The following SOBP variants were observed in gnomAD, a reference collection of about 807,000 sequenced individuals.
SOBP encodes sine oculis-binding protein homolog.
Under a neutral mutation model 53.6 loss-of-function variants are expected in SOBP, and 4 were observed. That is an observed-to-expected ratio of 0.07 (90% confidence interval 0.04 to 0.17). The LOEUF is 0.17. Among genes scored for constraint, SOBP ranks in the 10% least tolerant of loss-of-function variants. The pLI, the probability that SOBP is intolerant of heterozygous loss-of-function variation, is 1.00. For missense variants in SOBP, 1,088 were observed against 1,204.7 expected, an observed-to-expected ratio of 0.90 and a Z score of 1.43; for synonymous variants, 584 against 522.6, an observed-to-expected ratio of 1.12 and a Z score of -1.60.
intron 3 of SOBP, among the ~76,000 whole-genome samples, chr6:107,525,893 G>A (rs1783645877): frequency 6.6e-6 from 1 of 152,074 alleles, no homozygotes; most frequent in Admixed American, 6.5e-5. Context: ...ATTCTGATCC[G>A]TCCTGTTACT....
chr6:107,628,459 G>GC (rs1770560479), intron 5 of SOBP, among the ~76,000 whole-genome samples: 1 of 152,108 alleles, frequency 6.6e-6, no homozygotes, highest in Non-Finnish European at 1.5e-5. Context: ...AGACACACAG[G>GC]CTCATAGGAA....
chr6:107,549,155 T>C (rs1050569827), intron 4 of SOBP, among the ~76,000 whole-genome samples: 1 of 151,908 alleles, frequency 6.6e-6, no homozygotes, highest in Non-Finnish European at 1.5e-5. Context: ...TAGTCCCAGC[T>C]ACTCGGGAAG....
At chr6:107,636,305 T>C (rs1460009765) in intron 6 of SOBP, 1 of 152,360 alleles carries the variant, frequency 6.6e-6, no homozygotes, top group Non-Finnish European at 1.5e-5. Flanking sequence ...ATAGACAGAC[T>C]CCTGCCTAAT....
chr6:107,571,137 A>T (rs929203560), intron 4 of SOBP, among the ~76,000 whole-genome samples: 1 of 152,180 alleles, frequency 6.6e-6, no homozygotes, highest in Admixed American at 6.5e-5. Flanking sequence ...CTGGTAGAAG[A>T]TGATGTATGT....
At chr6:107,625,945 T>C (rs1385022150) in intron 5 of SOBP, among the ~76,000 whole-genome samples, 2 of 152,220 alleles carry the variant, frequency 1.3e-5, no homozygotes, top group African/African-American at 4.8e-5. Context: ...GTTTCCCTTA[T>C]ATACAAGTAC....
chr6:107,546,092 A>G (rs527983744), intron 4 of SOBP, among the ~76,000 whole-genome samples: 4 of 152,354 alleles, frequency 2.6e-5, no homozygotes, highest in South Asian at 2.1e-4. Context: ...TGGAAGACGT[A>G]TTAAAGACCA....
intron 3 of SOBP, among the ~76,000 whole-genome samples, chr6:107,515,751 A>G (rs1292699007): frequency 6.6e-6 from 1 of 152,236 alleles, no homozygotes; most frequent in East Asian, 1.9e-4. Flanking sequence ...TGTCTCAAAA[A>G]ACAAAAAAAG....
rs1368882190 is a variant in SOBP at position 107,543,814 on chromosome 6, C to T, written c.573+10204C>T. Among the ~76,000 whole-genome samples, 5 of 152,230 alleles carry T rather than the reference C, an allele frequency of 3.3e-5. No homozygotes were observed. The East Asian group carries it at 9.6e-4, about 29-fold the overall frequency. On this transcript the variant is annotated intron_variant, in intron 4 of 6. Transcript: ENST00000317357. ...GTCATCATAGGGTCCTTAGATGAAC[C>T]ACCTCTTCTACCCAGCACCAGCTGT...
At chr6:107,591,330 T>C (rs865917818) in intron 5 of SOBP, among the ~76,000 whole-genome samples, 14 of 152,258 alleles carry the variant, frequency 9.2e-5, no homozygotes, top group African/African-American at 3.4e-4. Flanking sequence ...GCTGCTGTTA[T>C]TATCATCTTC....
chr6:107,567,055 G>T (rs1003991336), intron 4 of SOBP, among the ~76,000 whole-genome samples: 1 of 152,184 alleles, frequency 6.6e-6, no homozygotes, highest in Non-Finnish European at 1.5e-5. Flanking sequence ...CATTTATTGA[G>T]CACATATATC....
chr6:107,644,316 A>G (rs560213358), intron 6 of SOBP, among the ~76,000 whole-genome samples: 1 of 150,632 alleles, frequency 6.6e-6, no homozygotes, highest in Non-Finnish European at 1.5e-5. Flanking sequence ...AACAAAAAAC[A>G]AACAAAAAAC....
At chr6:107,496,807 G>A (rs541399898) in intron 1 of SOBP, among the ~76,000 whole-genome samples, 66 of 152,264 alleles carry the variant, frequency 4.3e-4, no homozygotes, top group Non-Finnish European at 8.8e-4. Context: ...TGGATCCAGT[G>A]GGATCATGAA....
intron 5 of SOBP, among the ~76,000 whole-genome samples, chr6:107,627,747 A>T (rs561611782): frequency 6.6e-6 from 1 of 152,356 alleles, no homozygotes; most frequent in Admixed American, 6.5e-5. Context: ...GAACTTCTTC[A>T]TGCATTTGTT....
chr6:107,517,896 A>G (rs1312749618), intron 3 of SOBP, among the ~76,000 whole-genome samples: 2 of 152,218 alleles, frequency 1.3e-5, no homozygotes, highest in African/African-American at 2.4e-5. Flanking sequence ...GATTTTAAAA[A>G]ATCTTTCAGG....
At chr6:107,490,740 G>T in intron 1 of SOBP, 28 bp downstream of exon 1, 2 of 1,527,380 alleles carry the variant, frequency 1.3e-6, no homozygotes, top group South Asian at 2.4e-5. Context: ...GGGCCAGGGA[G>T]ACTGAGCTCT....
intron 5 of SOBP, among the ~76,000 whole-genome samples, chr6:107,615,012 C>T (rs1350826663): frequency 2.0e-5 from 3 of 152,166 alleles, no homozygotes; most frequent in Admixed American, 6.5e-5. Flanking sequence ...GACCTACTGG[C>T]GTCTCTCTTT....
At chr6:107,499,477 A>G (rs1325461570) in intron 1 of SOBP, among the ~76,000 whole-genome samples, 1 of 152,200 alleles carries the variant, frequency 6.6e-6, no homozygotes. Flanking sequence ...ATTGGACCAC[A>G]TGGTTTGAGA....
intron 4 of SOBP, among the ~76,000 whole-genome samples, chr6:107,555,333 T>C (rs1358555114): frequency 3.3e-5 from 5 of 152,176 alleles, no homozygotes; most frequent in Non-Finnish European, 5.9e-5. Flanking sequence ...TAATTCTCCT[T>C]CTCTCCTCTT....
chr6:107,510,065 C>T (rs1344468939), intron 3 of SOBP, among the ~76,000 whole-genome samples: 1 of 152,142 alleles, frequency 6.6e-6, no homozygotes, highest in African/African-American at 2.4e-5. Context: ...CTATCTAGGG[C>T]AGGGGTCTGC....
Sources: allele counts gnomAD v4.1 joint callset (sites outside exome capture counted in the v4.1 genomes callset), GRCh38; gene constraint gnomAD v4.1.1; transcripts MANE v1.5; gene names NCBI Gene and HGNC (gene_info 2026-07-23, HGNC 2026-07-21).